RSU1: variants seen among roughly 807,000 people sequenced by gnomAD.
The protein encoded by RSU1 is Ras suppressor protein 1.
Under a neutral mutation model 31.1 loss-of-function variants are expected in RSU1, and 26 were observed. That is an observed-to-expected ratio of 0.84 (90% CI 0.61 to 1.16). The LOEUF (loss-of-function observed/expected upper bound fraction) is 1.16, where lower values mean the gene tolerates loss of function less well. Ranked by LOEUF, RSU1 falls within the 50% of genes most tolerant of loss-of-function variation. The pLI, the probability that RSU1 is intolerant of heterozygous loss-of-function variation, is 0.00. For missense variants in RSU1, 320 were observed against 339.1 expected, an observed-to-expected ratio of 0.94 and a Z score of 0.44; for synonymous variants, 164 against 136.3, an observed-to-expected ratio of 1.20 and a Z score of -1.41.
At chr10:16,617,755 G>A (rs1322036769) in intron 8 of RSU1, among the ~76,000 whole-genome samples, 1 of 152,190 alleles carries the variant, frequency 6.6e-6, no homozygotes, top group Non-Finnish European at 1.5e-5. Flanking sequence ...TTTCATTAAT[G>A]GTGCTGTGAA....
intron 8 of RSU1, among the ~76,000 whole-genome samples, chr10:16,602,893 G>A (rs554659639): frequency 2.6e-5 from 4 of 152,186 alleles, no homozygotes; most frequent in Non-Finnish European, 5.9e-5. Context: ...TTATTAATAA[G>A]CACTTGTAAT....
intron 8 of RSU1, among the ~76,000 whole-genome samples, chr10:16,632,356 T>C (rs560895698): frequency 1.6e-4 from 25 of 152,260 alleles, no homozygotes; most frequent in Admixed American, 2.6e-4. Context: ...TAAAACTCTT[T>C]GATTGGGACT....
intron 3 of RSU1, among the ~76,000 whole-genome samples, chr10:16,771,427 T>G (rs1012067008): frequency 3.3e-5 from 5 of 152,222 alleles, no homozygotes; most frequent in African/African-American, 1.2e-4. Flanking sequence ...AATCTCTAGC[T>G]GTAATAACTG....
intron 7 of RSU1, among the ~76,000 whole-genome samples, chr10:16,739,571 C>T (rs1049694863): frequency 1.6e-4 from 24 of 148,032 alleles, no homozygotes; most frequent in African/African-American, 4.3e-4. Flanking sequence ...CCCAGGTTCA[C>T]GCCATTCTCC....
At chr10:16,734,865 T>C (rs1588501958) in intron 7 of RSU1, among the ~76,000 whole-genome samples, 1 of 152,274 alleles carries the variant, frequency 6.6e-6, no homozygotes, top group Non-Finnish European at 1.5e-5. Flanking sequence ...AATGAGGTCA[T>C]ATGAGTGGAT....
At chr10:16,769,766 G>C (rs1564351109) in intron 3 of RSU1, among the ~76,000 whole-genome samples, 1 of 152,200 alleles carries the variant, frequency 6.6e-6, no homozygotes, top group Non-Finnish European at 1.5e-5. Context: ...AATGCGATGA[G>C]TATAATAATC....
chr10:16,734,368 A>AT (rs1450500366), intron 7 of RSU1, among the ~76,000 whole-genome samples: 3 of 152,186 alleles, frequency 2.0e-5, no homozygotes, highest in Non-Finnish European at 4.4e-5. Flanking sequence ...TCTGCATGTG[A>AT]TTCAGGGGGA....
chr10:16,659,152 T>C (rs1834841274), intron 8 of RSU1, among the ~76,000 whole-genome samples: 1 of 152,222 alleles, frequency 6.6e-6, no homozygotes, highest in Admixed American at 6.5e-5. Flanking sequence ...TTTTCTCAGT[T>C]GTGGCTTGCA....
intron 2 of RSU1, among the ~76,000 whole-genome samples, chr10:16,811,545 A>C (rs1838409288): frequency 6.6e-6 from 1 of 152,208 alleles, no homozygotes; most frequent in African/African-American, 2.4e-5. Context: ...GATGCTTACA[A>C]AAAAGCCACC....
intron 7 of RSU1, chr10:16,726,892 C>A: frequency 2.8e-6 from 1 of 362,874 alleles, no homozygotes; most frequent in Non-Finnish European, 5.5e-6. Flanking sequence ...AGGAACAAAA[C>A]AAAATCCACC....
chr10:16,746,202 T>C (rs1424509259), intron 7 of RSU1, among the ~76,000 whole-genome samples: 4 of 152,222 alleles, frequency 2.6e-5, no homozygotes, highest in Non-Finnish European at 1.5e-5. Flanking sequence ...GAAAATACTA[T>C]GCTTCTCATA....
chr10:16,730,236 C>T (rs1259611269), intron 7 of RSU1, among the ~76,000 whole-genome samples: 1 of 152,160 alleles, frequency 6.6e-6, no homozygotes, highest in African/African-American at 2.4e-5. Flanking sequence ...GGGATCCGCC[C>T]CAATGTCCCA....
At chr10:16,816,924 T>C in intron 2 of RSU1, 49 bp downstream of exon 2, 1 of 1,364,334 alleles carries the variant, frequency 7.3e-7, no homozygotes, top group Non-Finnish European at 1.0e-6. Flanking sequence ...TTGGCAAACT[T>C]AGAAAGCCTT....
intron 8 of RSU1, among the ~76,000 whole-genome samples, chr10:16,649,576 G>A (rs979486903): frequency 6.6e-6 from 1 of 152,078 alleles, no homozygotes; most frequent in East Asian, 1.9e-4. Flanking sequence ...GCAAATCAGC[G>A]ACAAAACTGC....
At chr10:16,801,314 T>C (rs1838151557) in intron 2 of RSU1, among the ~76,000 whole-genome samples, 1 of 152,160 alleles carries the variant, frequency 6.6e-6, no homozygotes, top group Admixed American at 6.5e-5. Flanking sequence ...ACATGACGAT[T>C]AAATGGTAAA....
intron 8 of RSU1, among the ~76,000 whole-genome samples, chr10:16,598,068 T>C (rs1026423587): frequency 5.9e-5 from 9 of 152,294 alleles, no homozygotes; most frequent in Non-Finnish European, 1.3e-4. Context: ...CAAGTAAGTG[T>C]GGTAGACAGA....
intron 3 of RSU1, among the ~76,000 whole-genome samples, chr10:16,771,658 C>G (rs2131637727): frequency 6.6e-6 from 1 of 152,090 alleles, no homozygotes; most frequent in East Asian, 1.9e-4. Context: ...GTTTTCTGGC[C>G]AAAAACACAA....
chr10:16,654,685 A>C (rs868314363), intron 8 of RSU1, among the ~76,000 whole-genome samples: 22 of 135,584 alleles, frequency 1.6e-4, no homozygotes, highest in Middle Eastern at 3.9e-3. Context: ...AAAAACAAAA[A>C]AAAAAAAAAA....
intron 2 of RSU1, among the ~76,000 whole-genome samples, chr10:16,807,161 G>A (rs770881588): frequency 3.9e-5 from 6 of 152,216 alleles, no homozygotes; most frequent in Non-Finnish European, 8.8e-5. Flanking sequence ...CCACATTACC[G>A]TTCTCCGGTC....
Sources: gnomAD v4.1 joint callset for allele counts (sites outside exome capture counted in the v4.1 genomes callset) on GRCh38, gnomAD v4.1.1 for gene constraint, MANE v1.5 for transcripts, NCBI Gene and HGNC (gene_info 2026-07-23, HGNC 2026-07-21) for gene names.